The following SNTG2 variants were observed in gnomAD, a reference collection of about 807,000 sequenced individuals.
SNTG2 encodes the protein syntrophin gamma 2.
SNTG2 carries 74 observed loss-of-function variants against 70.9 expected under a neutral mutation model. The observed-to-expected ratio is 1.04, with a 90% confidence interval of 0.86 to 1.27. The LOEUF is 1.27. Ranked by LOEUF, SNTG2 falls within the 50% of genes most tolerant of loss-of-function variation. The pLI is 0.00. For missense variants in SNTG2, 717 were observed against 690.7 expected (o/e 1.04, Z -0.43); for synonymous variants, 278 against 273.8 (o/e 1.02, Z -0.15).
At position 1,246,881 on chromosome 2, in the gene SNTG2, T is replaced by G. The variant is rs527300323; in HGVS notation, c.889-446T>G. ...ATATTTTACATTATTTCATTGTTGT[T>G]AAGAAGTTGAACCATAAAGAGAAAC... is the stretch of plus-strand genomic sequence containing the variant. On this transcript the variant is annotated intron_variant, in intron 11 of 16. Transcript: ENST00000308624. 6.2e-4 allele frequency among the ~76,000 whole-genome samples: 95 copies of G among 152,334 alleles called. No individual in the cohort carries two copies. The South Asian group carries it at 0.011, about 18-fold the overall frequency.
intron 12 of SNTG2, among the ~76,000 whole-genome samples, chr2:1,248,280 G>A (rs1239500945): frequency 2.0e-5 from 3 of 152,202 alleles, no homozygotes; most frequent in African/African-American, 7.2e-5. Context: ...TGCACATTGA[G>A]TGCAGAGAGC....
At chr2:1,058,230 G>A (rs1662593853) in intron 1 of SNTG2, among the ~76,000 whole-genome samples, 2 of 152,070 alleles carry the variant, frequency 1.3e-5, no homozygotes, top group Admixed American at 1.3e-4. Context: ...AAAAGATAAT[G>A]AATGGAGATG....
chr2:1,096,745 C>T (rs1665417613), intron 2 of SNTG2, among the ~76,000 whole-genome samples: 1 of 152,110 alleles, frequency 6.6e-6, no homozygotes, highest in East Asian at 1.9e-4. Flanking sequence ...GGGTTGTATC[C>T]ATATCTTGGC....
At chr2:1,093,227 T>G (rs1665152184) in intron 2 of SNTG2, among the ~76,000 whole-genome samples, 1 of 152,152 alleles carries the variant, frequency 6.6e-6, no homozygotes, top group African/African-American at 2.4e-5. Context: ...TTAAGGGGTA[T>G]GTACTGGGAG....
chr2:1,292,165 A>T (rs1680019733), intron 14 of SNTG2, among the ~76,000 whole-genome samples: 1 of 151,738 alleles, frequency 6.6e-6, no homozygotes, highest in Non-Finnish European at 1.5e-5. Flanking sequence ...AATAAAACTG[A>T]TTTTTGAGTG....
In SNTG2 at chr2:1,367,345, A is replaced by G. The variant is rs772637476; in HGVS notation, c.1491A>G (p.Glu497=). The change falls in exon 17 of 17, where the codon GAA becomes GAG. Residue 497 remains glutamate, a splice_region_variant and synonymous_variant. Transcript: ENST00000308624. ...NLDTKQIETK[E]LEFQDLRAVL... The stretch of plus-strand genomic sequence containing the variant: ...CTTGATCTGATTTTCTCCTCCAGGA[A>G]CTCGAGTTCCAGGACCTGAGGGCTG... The G allele has an allele frequency of 3.3e-6, 5 of 1,532,294 alleles. No individual in the cohort carries two copies. The highest frequency in any genetic ancestry group is 2.6e-6 in the Non-Finnish European group (3 of 1,140,230). The allele number at this position is 1,532,294 out of a possible 1,614,324, so 94.9% of individuals were successfully genotyped here. A position where few individuals can be genotyped will look rare whatever the true frequency, so the allele number is the denominator to read the frequency against.
chr2:1,327,756 C>T (rs1681818167), intron 16 of SNTG2, among the ~76,000 whole-genome samples: 1 of 152,082 alleles, frequency 6.6e-6, no homozygotes, highest in Non-Finnish European at 1.5e-5. Flanking sequence ...CAATATTAAG[C>T]TAGTTTTATT....
intron 1 of SNTG2, among the ~76,000 whole-genome samples, chr2:1,035,043 A>C (rs539715312): frequency 6.6e-6 from 1 of 152,358 alleles, no homozygotes; most frequent in African/African-American, 2.4e-5. Flanking sequence ...TAAAAATGGA[A>C]GCCAAGACTT....
chr2:1,351,891 C>G (rs887302454), intron 16 of SNTG2, among the ~76,000 whole-genome samples: 11 of 152,170 alleles, frequency 7.2e-5, no homozygotes, highest in African/African-American at 2.7e-4. Context: ...ATGCCCTCAC[C>G]CTCCCTGGAC....
intron 1 of SNTG2, among the ~76,000 whole-genome samples, chr2:1,082,769 C>T (rs1664418666): frequency 6.6e-6 from 1 of 152,232 alleles, no homozygotes; most frequent in South Asian, 2.1e-4. Context: ...GCTCTGGAGC[C>T]CCCAGGGTGG....
chr2:990,072 T>TAA (rs144936578), intron 1 of SNTG2, among the ~76,000 whole-genome samples: 11,560 of 152,350 alleles, frequency 0.076, 624 homozygotes, highest in South Asian at 0.21. Context: ...CGCAGCTTTA[T>TAA]GCCTTTGCTA....
chr2:1,281,232 TG>T (rs1679504489), intron 14 of SNTG2, among the ~76,000 whole-genome samples: 1 of 12,480 alleles, frequency 8.0e-5, no homozygotes. Context: ...TGTGTTTATG[TG>T]GTGTGGTGTG....
chr2:1,022,209 G>A (rs1051448282), intron 1 of SNTG2, among the ~76,000 whole-genome samples: 3 of 152,022 alleles, frequency 2.0e-5, no homozygotes, highest in African/African-American at 4.8e-5. Flanking sequence ...TGAATCCCTA[G>A]GTTCTTGCAA....
chr2:1,171,353 G>A (rs1398953911), intron 7 of SNTG2, among the ~76,000 whole-genome samples: 2 of 152,172 alleles, frequency 1.3e-5, no homozygotes, highest in African/African-American at 4.8e-5. Flanking sequence ...GCTGCCATTA[G>A]TCATGTGTCT....
chr2:1,228,157 C>T (rs1319293796), intron 9 of SNTG2, among the ~76,000 whole-genome samples: 3 of 152,350 alleles, frequency 2.0e-5, no homozygotes, highest in South Asian at 2.1e-4. Context: ...GACCTCCCAG[C>T]GTGGGATGAA....
At chr2:1,025,747 C>A (rs187584957) in intron 1 of SNTG2, among the ~76,000 whole-genome samples, 3 of 152,286 alleles carry the variant, frequency 2.0e-5, no homozygotes, top group Middle Eastern at 6.8e-3. Context: ...CTGGGTCATC[C>A]GGGATGACCC....
intron 14 of SNTG2, among the ~76,000 whole-genome samples, chr2:1,290,317 C>CTTTTTTTTTTTTTTTTTTT (rs34782770): frequency 6.9e-6 from 1 of 144,438 alleles, no homozygotes; most frequent in Non-Finnish European, 1.5e-5. Context: ...GTTCTACATC[C>CTTTTTTTTTTTTTTTTTTT]TTTTTTTTTT....
chr2:1,030,583 T>C (rs11693858), intron 1 of SNTG2, among the ~76,000 whole-genome samples: 5,408 of 152,264 alleles, frequency 0.036, 113 homozygotes, highest in South Asian at 0.061. Context: ...AGTCATGGCC[T>C]TTTCTCAGTC....
chr2:1,219,153 G>T (rs1674588504), intron 9 of SNTG2, among the ~76,000 whole-genome samples: 1 of 152,116 alleles, frequency 6.6e-6, no homozygotes, highest in Non-Finnish European at 1.5e-5. Flanking sequence ...GCTGTTAAAA[G>T]TGTATGGCAC....
Sources: allele counts gnomAD v4.1 joint callset (sites outside exome capture counted in the v4.1 genomes callset), GRCh38; gene constraint gnomAD v4.1.1; transcripts MANE v1.5; gene names NCBI Gene and HGNC (gene_info 2026-07-23, HGNC 2026-07-21).